The following LDLRAD4 variants were observed in gnomAD, a reference collection of about 807,000 sequenced individuals.
LDLRAD4 encodes the protein low-density lipoprotein receptor class A domain-containing protein 4.
In LDLRAD4, 5 loss-of-function variants were observed where a neutral mutation model predicts 17.0. The observed-to-expected ratio is 0.29, with a 90% confidence interval of 0.15 to 0.62. The LOEUF (loss-of-function observed/expected upper bound fraction) is 0.62, where lower values mean the gene tolerates loss of function less well. Ranked by LOEUF, LDLRAD4 falls within the 20% of genes least tolerant of loss-of-function variation. The pLI is 0.84. For synonymous variants in LDLRAD4, 168 were observed against 171.8 expected (o/e 0.98, Z 0.17); for missense variants, 340 against 424.7 (o/e 0.80, Z 1.75).
At chr18:13,652,408 A>T (rs572674216) in exon 6 of LDLRAD4, 2 of 152,464 alleles carry the variant, frequency 1.3e-5, no homozygotes, top group African/African-American at 4.8e-5. Context: ...AATTTTTATT[A>T]TAAAGCAATC....
rs59343261 is a variant in LDLRAD4 at position 13,405,914 on chromosome 18, A to G, written c.40+18152A>G. Among the ~76,000 whole-genome samples, 1,235 of 152,292 alleles carry G rather than the reference A, an allele frequency of 8.1e-3. 17 individuals carry two copies. The highest frequency in any genetic ancestry group is 0.027 in the African/African-American group (1,135 of 41,564). ...TGTCGCAGCTCACTTTCTGTCCTCT[A>G]GAGCAGGCAGCTTATCTTGCTGTGA... is the stretch of plus-strand genomic sequence containing the variant. On this transcript the variant is annotated intron_variant, in intron 2 of 5. Transcript: ENST00000359446.
At chr18:13,411,675 G>A (rs965718386) in intron 2 of LDLRAD4, among the ~76,000 whole-genome samples, 1 of 152,152 alleles carries the variant, frequency 6.6e-6, no homozygotes, top group African/African-American at 2.4e-5. Flanking sequence ...CTTCAGCCAT[G>A]ATTGTGAGGC....
upstream of LDLRAD4, among the ~76,000 whole-genome samples, chr18:13,276,795 C>T (rs2044901002): frequency 6.6e-6 from 1 of 152,184 alleles, no homozygotes; most frequent in African/African-American, 2.4e-5. Context: ...AGAAGCCAAT[C>T]ACAGCTTCCA....
chr18:13,491,974 T>C (rs1381531641), intron 3 of LDLRAD4, among the ~76,000 whole-genome samples: 1 of 152,204 alleles, frequency 6.6e-6, no homozygotes, highest in African/African-American at 2.4e-5. Flanking sequence ...TGAGGCTGAC[T>C]TTATTGTTCC....
At chr18:13,564,857 C>G (rs1261310222) in intron 3 of LDLRAD4, 2 of 152,226 alleles carry the variant, frequency 1.3e-5, no homozygotes, top group Non-Finnish European at 2.9e-5. Context: ...AGATTGGAAT[C>G]TCCTGCCTTC....
intron 2 of LDLRAD4, among the ~76,000 whole-genome samples, chr18:13,435,515 T>C (rs2090596519): frequency 6.6e-6 from 1 of 152,222 alleles, no homozygotes; most frequent in Admixed American, 6.5e-5. Flanking sequence ...AGCATGATCA[T>C]AGCTCACTGC....
At chr18:13,338,158 A>T (rs1006368930) in intron 1 of LDLRAD4, among the ~76,000 whole-genome samples, 2 of 152,142 alleles carry the variant, frequency 1.3e-5, no homozygotes, top group African/African-American at 4.8e-5. Context: ...CTCTATTCTC[A>T]TCTGCTGCCT....
At chr18:13,384,335 G>A (rs2085623011) in intron 1 of LDLRAD4, among the ~76,000 whole-genome samples, 1 of 152,068 alleles carries the variant, frequency 6.6e-6, no homozygotes, top group Non-Finnish European at 1.5e-5. Context: ...TAATGTTTTG[G>A]TATATGTATG....
chr18:13,360,473 T>C (rs527266399), intron 1 of LDLRAD4, among the ~76,000 whole-genome samples: 1 of 152,330 alleles, frequency 6.6e-6, no homozygotes, highest in East Asian at 1.9e-4. Context: ...TGTTGTGCAT[T>C]TTGCCTGGTG....
chr18:13,387,785 G>T lies in LDLRAD4; in HGVS notation c.40+23G>T, dbSNP rs773541995. Reference sequence around the variant, plus strand: ...CAGGTGAGCATGCTCCAGGTAATCCGAGGCTTTGCCTCCACTCCTGGGAGG... The same window carrying T: ...CAGGTGAGCATGCTCCAGGTAATCCTAGGCTTTGCCTCCACTCCTGGGAGG... On this transcript the variant is annotated intron_variant, in intron 2 of 5. Transcript: ENST00000359446. 1.9e-5 allele frequency: 31 copies of T among 1,611,260 alleles called. No individual in the cohort carries two copies. In the South Asian group the frequency reaches 3.1e-4, roughly 16 times the overall value.
At chr18:13,457,328 G>A (rs934991724) in intron 3 of LDLRAD4, among the ~76,000 whole-genome samples, 2 of 152,224 alleles carry the variant, frequency 1.3e-5, no homozygotes, top group African/African-American at 4.8e-5. Context: ...GGCAGGGCAT[G>A]GGGAAGATGT....
intron 3 of LDLRAD4, among the ~76,000 whole-genome samples, chr18:13,442,903 C>A (rs1326612441): frequency 6.6e-6 from 1 of 152,152 alleles, no homozygotes; most frequent in South Asian, 2.1e-4. Context: ...CGACAAGAAG[C>A]CACAACTTTC....
At chr18:13,516,150 G>A (rs917829001) in intron 3 of LDLRAD4, 7 of 152,144 alleles carry the variant, frequency 4.6e-5, no homozygotes, top group African/African-American at 1.4e-4. Flanking sequence ...AAGTGTCCAT[G>A]TGTAAGAAAA....
intron 1 of LDLRAD4, among the ~76,000 whole-genome samples, chr18:13,281,336 C>G (rs958937246): frequency 3.9e-5 from 6 of 152,200 alleles, no homozygotes; most frequent in African/African-American, 1.4e-4. Context: ...CTGCAGTGAG[C>G]TATGATCATG....
intron 3 of LDLRAD4, among the ~76,000 whole-genome samples, chr18:13,443,021 C>T (rs2091135131): frequency 6.6e-6 from 1 of 152,124 alleles, no homozygotes; most frequent in Non-Finnish European, 1.5e-5. Flanking sequence ...GAAGCTGCTT[C>T]TCTCTATATA....
intron 3 of LDLRAD4, chr18:13,515,447 GT>G (rs1414400414): frequency 6.6e-6 from 1 of 152,208 alleles, no homozygotes; most frequent in Non-Finnish European, 1.5e-5. Context: ...TTATAGGACA[GT>G]TGTCTTAAAA....
chr18:13,306,698 A>G (rs1451454267), intron 1 of LDLRAD4, among the ~76,000 whole-genome samples: 1 of 152,272 alleles, frequency 6.6e-6, no homozygotes, highest in Admixed American at 6.5e-5. Context: ...AGAGCTATCA[A>G]ACCCGAAACA....
intron 3 of LDLRAD4, among the ~76,000 whole-genome samples, chr18:13,447,462 C>T (rs955575760): frequency 3.9e-5 from 6 of 152,064 alleles, no homozygotes; most frequent in South Asian, 2.1e-4. Context: ...TAAACAAAGG[C>T]GGAGAACAAA....
At chr18:13,402,316 C>G (rs2087302229) in intron 2 of LDLRAD4, among the ~76,000 whole-genome samples, 1 of 152,164 alleles carries the variant, frequency 6.6e-6, no homozygotes, top group Admixed American at 6.5e-5. Context: ...CTGACCCGAA[C>G]TCACACTTCT....
Sources: gnomAD v4.1 joint callset for allele counts (sites outside exome capture counted in the v4.1 genomes callset) on GRCh38, gnomAD v4.1.1 for gene constraint, MANE v1.5 for transcripts, NCBI Gene and HGNC (gene_info 2026-07-23, HGNC 2026-07-21) for gene names.